The following PRKN variants were observed in gnomAD, a reference collection of about 807,000 sequenced individuals.
PRKN encodes the protein parkin RBR E3 ubiquitin protein ligase.
PRKN carries 56 observed loss-of-function variants against 59.5 expected under a neutral mutation model. The ratio of observed to expected loss-of-function variants is 0.94; its 90% confidence interval spans 0.76 to 1.18. The LOEUF is 1.18. PRKN is among the 50% of genes most tolerant of loss of function. PRKN has a pLI of 0.00. For missense variants in PRKN, 657 were observed against 596.4 expected (o/e 1.10, Z -1.06); for synonymous variants, 250 against 222.1 (o/e 1.13, Z -1.12).
intron 2 of PRKN, among the ~76,000 whole-genome samples, chr6:162,344,628 C>CT (rs56770554): frequency 0.61 from 89,487 of 147,258 alleles, 26,944 homozygotes; most frequent in African/African-American, 0.7. Context: ...TATGATGCCC[C>CT]CTGCCCACCG....
intron 6 of PRKN, among the ~76,000 whole-genome samples, chr6:161,913,802 T>G (rs2128237539): frequency 6.6e-6 from 1 of 152,280 alleles, no homozygotes; most frequent in South Asian, 2.1e-4. Flanking sequence ...AGGTGGAGCG[T>G]CTGGGAGGTA....
At chr6:162,498,383 TCTTTCTTTCC>T (rs1793174009) in intron 1 of PRKN, among the ~76,000 whole-genome samples, 1 of 121,892 alleles carries the variant, frequency 8.2e-6, no homozygotes, top group Non-Finnish European at 1.9e-5. Flanking sequence ...TCATTTTTTT[TCTTTCTTTCC>T]TTTTTTTTTT....
At chr6:162,546,248 C>G (rs1182625544) in intron 1 of PRKN, among the ~76,000 whole-genome samples, 1 of 151,684 alleles carries the variant, frequency 6.6e-6, no homozygotes, top group South Asian at 2.1e-4. Context: ...GCATTATAGG[C>G]GTGCGCCACC....
intron 1 of PRKN, among the ~76,000 whole-genome samples, chr6:162,680,051 C>T (rs555056534): frequency 6.6e-6 from 1 of 151,988 alleles, no homozygotes; most frequent in South Asian, 2.1e-4. Context: ...ATCCTATTTC[C>T]TTTCATTAAA....
intron 7 of PRKN, among the ~76,000 whole-genome samples, chr6:161,660,372 G>C (rs566645963): frequency 1.3e-5 from 2 of 152,278 alleles, no homozygotes; most frequent in African/African-American, 4.8e-5. Context: ...GTACTAATAA[G>C]GGCCAGGGAT....
intron 1 of PRKN, among the ~76,000 whole-genome samples, chr6:162,689,219 A>T (rs1392175995): frequency 6.6e-6 from 1 of 152,184 alleles, no homozygotes; most frequent in African/African-American, 2.4e-5. Context: ...TTCTTAGTTC[A>T]CAACAGGGGC....
chr6:162,306,610 C>A (rs1782239346), intron 2 of PRKN, among the ~76,000 whole-genome samples: 1 of 152,180 alleles, frequency 6.6e-6, no homozygotes, highest in Admixed American at 6.5e-5. Flanking sequence ...TCAGTATATG[C>A]TCAGCTGCAC....
chr6:162,223,636 CACACACACACACACACACACACACA>C (rs1456579287), intron 3 of PRKN, among the ~76,000 whole-genome samples: 21 of 106,490 alleles, frequency 2.0e-4, no homozygotes, highest in East Asian at 1.6e-3. Flanking sequence ...CACACACACA[CACACACACACACACACACACACACA>C]AACATAATGC....
intron 3 of PRKN, among the ~76,000 whole-genome samples, chr6:162,251,147 T>C (rs1779417275): frequency 6.6e-6 from 1 of 152,170 alleles, no homozygotes; most frequent in African/African-American, 2.4e-5. Context: ...CTTCAATGAT[T>C]CCTTGTCTTT....
intron 3 of PRKN, among the ~76,000 whole-genome samples, chr6:162,219,894 T>TCCA (rs1398289703): frequency 2.0e-5 from 3 of 152,180 alleles, no homozygotes; most frequent in African/African-American, 7.2e-5. Context: ...AAGGATTGGC[T>TCCA]CCAAGACCTC....
intron 4 of PRKN, 41 bp downstream of exon 4, chr6:162,201,090 C>T (rs767064287): frequency 1.3e-5 from 21 of 1,609,732 alleles, no homozygotes; most frequent in African/African-American, 9.4e-5. Context: ...AGTACACATT[C>T]ATTTTCCTGG....
At chr6:162,448,085 A>C (rs1056415269) in intron 1 of PRKN, among the ~76,000 whole-genome samples, 1 of 152,208 alleles carries the variant, frequency 6.6e-6, no homozygotes, top group Non-Finnish European at 1.5e-5. Context: ...AAATGGACTC[A>C]GTGCACTGAA....
intron 7 of PRKN, among the ~76,000 whole-genome samples, chr6:161,583,481 A>C (rs1022934783): frequency 2.0e-5 from 3 of 151,776 alleles, no homozygotes; most frequent in African/African-American, 2.4e-5. Flanking sequence ...TATTTAGGAG[A>C]AGTTCAGGAA....
chr6:162,466,704 ATTTCACTT>A (rs1222560648), intron 1 of PRKN, among the ~76,000 whole-genome samples: 1 of 150,442 alleles, frequency 6.6e-6, no homozygotes, highest in Non-Finnish European at 1.5e-5. Flanking sequence ...CACCACATCC[ATTTCACTT>A]TTGCTTTTTT....
intron 7 of PRKN, among the ~76,000 whole-genome samples, chr6:161,574,690 CT>C (rs1330798734): frequency 6.6e-6 from 1 of 152,134 alleles, no homozygotes; most frequent in Non-Finnish European, 1.5e-5. Flanking sequence ...CCGGCAGCAT[CT>C]CTGAGACTAT....
At chr6:162,148,660 G>A (rs1782131763) in intron 4 of PRKN, among the ~76,000 whole-genome samples, 1 of 151,972 alleles carries the variant, frequency 6.6e-6, no homozygotes, top group South Asian at 2.1e-4. Flanking sequence ...CTAAAATAAA[G>A]GAATAACATC....
intron 6 of PRKN, among the ~76,000 whole-genome samples, chr6:161,880,127 A>C (rs955338808): frequency 5.3e-5 from 8 of 152,236 alleles, no homozygotes; most frequent in African/African-American, 1.7e-4. Context: ...GCAATGGTAT[A>C]TGTAGATACT....
intron 10 of PRKN, among the ~76,000 whole-genome samples, chr6:161,380,313 C>T (rs143250895): frequency 3.2e-4 from 49 of 152,282 alleles, no homozygotes; most frequent in Admixed American, 1.4e-3. Context: ...ATCCTGAACA[C>T]TCTCTCGTGC....
rs1779910203 is a variant in PRKN, at chr6:161,549,192, A to G, written c.934-189T>C. Among the ~76,000 whole-genome samples the G allele has an allele frequency of 3.3e-5, 5 of 152,092 alleles. No homozygotes were observed. The highest frequency in any genetic ancestry group is 3.3e-4 in the Admixed American group (5 of 15,262). On this transcript the variant is annotated intron_variant, in intron 8 of 11. Transcript: ENST00000366898. This position sits in a 1 kb window ranked among gnomAD's most constrained non-coding sequence, Gnocchi z 6.0. ...TGATAGGGGAGGACGAATATGGTTC[A>G]ATGCAGTAAAAGTCTACCAAATTCA...
Sources: allele counts gnomAD v4.1 joint callset (sites outside exome capture counted in the v4.1 genomes callset), GRCh38; gene constraint gnomAD v4.1.1; non-coding constraint Gnocchi (gnomAD v3.1); transcripts MANE v1.5; gene names NCBI Gene and HGNC (gene_info 2026-07-23, HGNC 2026-07-21).